Variants in TJP1 observed in about 807,000 individuals in gnomAD.
TJP1 encodes the protein tight junction protein ZO-1.
A neutral mutation model predicts 194.2 loss-of-function variants in TJP1; 43 were observed. That is an observed-to-expected ratio of 0.22 (90% CI 0.17 to 0.29). The LOEUF is 0.29. Ranked by LOEUF, TJP1 falls within the 10% of genes least tolerant of loss-of-function variation. The pLI, the probability that TJP1 is intolerant of heterozygous loss-of-function variation, is 1.00. For missense variants in TJP1, 1,971 were observed against 2,185.7 expected, an observed-to-expected ratio of 0.90 and a Z score of 1.96; for synonymous variants, 801 against 779.0, an observed-to-expected ratio of 1.03 and a Z score of -0.47.
rs751151456 is a variant in TJP1, at chr15:29,732,730, G to A, written c.1822C>T (p.Arg608Cys). The change falls in exon 14 of 28, where the codon CGC becomes TGC. Residue 608 changes from arginine (R) to cysteine (C), a missense_variant. By Grantham distance (180) the Arg-to-Cys change is radical. Around this residue, in one of 5 missense-constraint regions of TJP1, gnomAD observed 402 missense variants for 484.2 expected, o/e 0.83. Transcript: ENST00000614355. ...RADFWRFRGL[R>C]SSKRNLRKSR... ...TTTCGAAGATTTCTCTTGGAGCTGC[G>A]AAGACCTCTGAATCTCCAGAAGTCA... The A allele has an allele frequency of 1.9e-6, 3 of 1,614,148 alleles. No individual in the cohort carries two copies. The highest frequency in any genetic ancestry group is 2.5e-6 in the Non-Finnish European group (3 of 1,180,028).
chr15:29,861,073 A>G (rs1302182494), intron 2 of TJP1, among the ~76,000 whole-genome samples: 1 of 152,232 alleles, frequency 6.6e-6, no homozygotes, highest in African/African-American at 2.4e-5. Context: ...TATCTCAGGT[A>G]TGCCTGTAAT....
rs369698803 is a variant in TJP1, at chr15:29,718,618, G to A, written c.3524C>T (p.Ala1175Val). The A allele has an allele frequency of 8.9e-5, 143 of 1,614,052 alleles. No individual in the cohort carries two copies. The highest frequency in any genetic ancestry group is 4.9e-4 in the Middle Eastern group (3 of 6,082). ...GGGCCCTGCTGAAGGGTGGGGCTGG[G>A]CTTCCGGTCTGAGTCTACCATGTGT... is the stretch of plus-strand genomic sequence containing the variant. ...YDTHGRLRPE[A>V]QPHPSAGPKP... The change falls in exon 21 of 28, where the codon GCC (alanine) becomes GTC (valine). Residue 1175 changes from alanine (A) to valine (V), a missense_variant. Transcript: ENST00000614355.
At chr15:29,879,173 T>C (rs1489529841) in intron 2 of TJP1, among the ~76,000 whole-genome samples, 1 of 152,216 alleles carries the variant, frequency 6.6e-6, no homozygotes, top group Non-Finnish European at 1.5e-5. Context: ...ATGCCTCCTC[T>C]GGCTTCCTTT....
chr15:29,711,132 G>A, intron 23 of TJP1, 132 bp from the exon 24 acceptor site: 1 of 991,696 alleles, frequency 1.0e-6, no homozygotes, highest in Non-Finnish European at 1.4e-6. Flanking sequence ...CATGAGTATG[G>A]GTAGCTACTC....
At chr15:29,835,817 A>C (rs1342815910) in intron 2 of TJP1, among the ~76,000 whole-genome samples, 1 of 152,230 alleles carries the variant, frequency 6.6e-6, no homozygotes, top group Non-Finnish European at 1.5e-5. Flanking sequence ...AACATTTAGC[A>C]TACTTTTCGG....
chr15:29,737,634 T>C (rs940119669), intron 10 of TJP1, among the ~76,000 whole-genome samples: 3 of 152,212 alleles, frequency 2.0e-5, no homozygotes, highest in Non-Finnish European at 4.4e-5. Flanking sequence ...AAATTTAATA[T>C]GCAAGTACTA....
At chr15:29,817,379 T>C (rs1011477846) in intron 1 of TJP1, among the ~76,000 whole-genome samples, 1 of 152,216 alleles carries the variant, frequency 6.6e-6, no homozygotes, top group Non-Finnish European at 1.5e-5. Flanking sequence ...TTTACACTGT[T>C]GGTGGGAATG....
chr15:29,879,969 T>G (rs1159963638), intron 2 of TJP1, among the ~76,000 whole-genome samples: 1 of 152,180 alleles, frequency 6.6e-6, no homozygotes, highest in Non-Finnish European at 1.5e-5. Flanking sequence ...GGAAGGGCAA[T>G]GGAGAATATT....
At chr15:29,941,745 G>A (rs1324145842) in intron 2 of TJP1, among the ~76,000 whole-genome samples, 1 of 152,150 alleles carries the variant, frequency 6.6e-6, no homozygotes, top group Non-Finnish European at 1.5e-5. Context: ...CACGTATCAC[G>A]TGTTTGTTTA....
intron 2 of TJP1, among the ~76,000 whole-genome samples, chr15:29,945,315 A>G (rs1404992910): frequency 6.6e-6 from 1 of 152,242 alleles, no homozygotes; most frequent in Non-Finnish European, 1.5e-5. Context: ...AAAAAGTAAG[A>G]ACTTTTATTC....
At chr15:29,761,574 G>C in intron 7 of TJP1, 27 bp downstream of exon 7, 1 of 1,570,624 alleles carries the variant, frequency 6.4e-7, no homozygotes. Context: ...TCACTTAGAG[G>C]GAACGTTCAA....
intron 2 of TJP1, among the ~76,000 whole-genome samples, chr15:29,796,270 T>C (rs146067493): frequency 6.9e-4 from 103 of 150,304 alleles, no homozygotes; most frequent in African/African-American, 2.4e-3. Flanking sequence ...TGCCTACACA[T>C]AGGAAAACAC....
rs771913804 is a variant in TJP1 at position 29,737,313 on chromosome 15, T to A, written c.1358A>T (p.Asp453Val). The A allele has an allele frequency of 1.2e-6, 2 of 1,614,186 alleles. No individual in the cohort carries two copies. The highest frequency in any genetic ancestry group is 1.1e-5 in the South Asian group (1 of 91,078). ...TAAGCCTTCCTTGGCTGCAGGGCTA[T>A]CTTCTAGAACGCCAGCTACAAATAT... ...VGIFVAGVLEDSPAAKEGLEE... is the reference protein window; with the variant it reads ...VGIFVAGVLEVSPAAKEGLEE... Residue 453 changes from aspartate (D) to valine (V), a missense_variant, in exon 11 of 28, where the codon GAT becomes GTT. Around this residue, in one of 5 missense-constraint regions of TJP1, gnomAD observed 24 missense variants for 54.2 expected, o/e 0.44. Transcript: ENST00000614355.
intron 8 of TJP1, among the ~76,000 whole-genome samples, chr15:29,754,962 G>A (rs1456378818): frequency 6.6e-6 from 1 of 152,148 alleles, no homozygotes; most frequent in African/African-American, 2.4e-5. Flanking sequence ...AATTATGGAA[G>A]GTAGAGGAAA....
At chr15:29,792,135 G>A (rs1290101159) in intron 2 of TJP1, among the ~76,000 whole-genome samples, 1 of 152,170 alleles carries the variant, frequency 6.6e-6, no homozygotes, top group Non-Finnish European at 1.5e-5. Flanking sequence ...TGATCCCACT[G>A]TCCATTTTGT....
chr15:29,873,659 C>T (rs548066067), intron 2 of TJP1, among the ~76,000 whole-genome samples: 1 of 152,292 alleles, frequency 6.6e-6, no homozygotes, highest in South Asian at 2.1e-4. Context: ...AAGCACTGAC[C>T]TCTCCCTTTC....
chr15:29,844,480 T>C (rs749643773), intron 2 of TJP1, among the ~76,000 whole-genome samples: 28 of 152,124 alleles, frequency 1.8e-4, no homozygotes, highest in Non-Finnish European at 3.5e-4. Context: ...GATGAGGTCA[T>C]AGCAGCCTGG....
chr15:29,950,238 C>G (rs1416978313), intron 2 of TJP1, among the ~76,000 whole-genome samples: 1 of 149,092 alleles, frequency 6.7e-6, no homozygotes, highest in Non-Finnish European at 1.5e-5. Flanking sequence ...TCCACCACCA[C>G]CACCTCCTTC....
intron 4 of TJP1, among the ~76,000 whole-genome samples, chr15:29,770,748 G>A (rs968670014): frequency 3.3e-5 from 5 of 151,718 alleles, no homozygotes; most frequent in African/African-American, 1.2e-4. Flanking sequence ...GCTGTACAAC[G>A]TGTTTGTTAT....
Sources: gnomAD v4.1 joint callset for allele counts (sites outside exome capture counted in the v4.1 genomes callset) on GRCh38, gnomAD v4.1.1 for gene constraint, gnomAD v4.1.1 regional missense constraint, MANE v1.5 for transcripts, NCBI Gene and HGNC (gene_info 2026-07-23, HGNC 2026-07-21) for gene names.